MAB21L3: variants seen among roughly 807,000 people sequenced by gnomAD.
The protein encoded by MAB21L3 is protein mab-21-like 3.
MAB21L3 carries 36 observed loss-of-function variants against 37.7 expected under a neutral mutation model. The observed-to-expected ratio is 0.96, with a 90% CI of 0.73 to 1.26. MAB21L3 has a LOEUF of 1.26. MAB21L3 is among the 50% of genes most tolerant of loss of function. The pLI is 0.00. For synonymous variants in MAB21L3, 186 were observed against 176.8 expected, an observed-to-expected ratio of 1.05 and a Z score of -0.41; for missense variants, 430 against 447.3, an observed-to-expected ratio of 0.96 and a Z score of 0.35.
chr1:116,123,406 C>T (rs1161876820), intron 4 of MAB21L3, among the ~76,000 whole-genome samples: 1 of 144,696 alleles, frequency 6.9e-6, no homozygotes, highest in South Asian at 2.2e-4. Context: ...CAGTACAGGC[C>T]AAAAAAAAAA....
Position 116,137,744 on chromosome 1 carries a change from G to C in MAB21L3, c.*4379G>C, listed in dbSNP as rs1368237819. On this transcript the variant is annotated 3_prime_UTR_variant, in exon 8 of 8. Transcript: ENST00000369500. ...AACCCAAATATCCAACAATGATAGA[G>C]TGGATTAAGAAAATGTGGCACATAT... 1.3e-4 allele frequency among the ~76,000 whole-genome samples: 20 copies of C among 152,202 alleles called. No individual in the cohort carries two copies. Among genetic ancestry groups the C allele is most frequent in the African/African-American group, 4.6e-4 (19 of 41,512 alleles).
chr1:116,126,969 T>G lies in MAB21L3; in HGVS notation c.482-497T>G, dbSNP rs1040647429. On this transcript the variant is annotated intron_variant, in intron 5 of 7. Coordinates refer to ENST00000369500, the MANE Select transcript of MAB21L3 (RefSeq NM_152367.3). ...TTGCCCAACTGTAAGTTAATGTAAG[T>G]GTTCTGAGCACTTTTAAGGTAGGGT... 2.6e-5 allele frequency among the ~76,000 whole-genome samples: 4 copies of G among 152,352 alleles called. No homozygotes were observed. In the East Asian group the frequency reaches 7.7e-4, roughly 29 times the overall value.
intron 3 of MAB21L3, among the ~76,000 whole-genome samples, chr1:116,118,327 A>G (rs1311897938): frequency 1.3e-5 from 2 of 151,972 alleles, no homozygotes; most frequent in Admixed American, 1.3e-4. Flanking sequence ...GTTTGCAGTG[A>G]GCCAAGGTCA....
intron 3 of MAB21L3, among the ~76,000 whole-genome samples, 183 bp downstream of exon 3, chr1:116,112,846 G>A (rs1659468789): frequency 6.6e-6 from 1 of 152,144 alleles, no homozygotes; most frequent in African/African-American, 2.4e-5. Flanking sequence ...TTCTCTTTGA[G>A]GGTCTGGTAC....
chr1:116,137,834 G>C lies in MAB21L3; in HGVS notation c.*4469G>C, dbSNP rs926688052. Among the ~76,000 whole-genome samples, 1 of 151,776 alleles carries C rather than the reference G, an allele frequency of 6.6e-6. No individual in the cohort carries two copies. Among genetic ancestry groups the C allele is most frequent in the Non-Finnish European group, 1.5e-5 (1 of 67,966 alleles). ...TCATGTCCTTTGTAGGGACATGGGT[G>C]AAATTGGAAATCATCATTCTCAGTA... On this transcript the variant is annotated 3_prime_UTR_variant, in exon 8 of 8. Coordinates refer to ENST00000369500, the MANE Select transcript of MAB21L3 (RefSeq NM_152367.3).
chr1:116,127,977 C>T (rs1659957443), intron 6 of MAB21L3, among the ~76,000 whole-genome samples, 168 bp from the exon 7 acceptor site: 2 of 152,196 alleles, frequency 1.3e-5, no homozygotes, highest in East Asian at 3.9e-4. Context: ...TAACTGTCCA[C>T]ATCCAAGGTG....
intron 7 of MAB21L3, among the ~76,000 whole-genome samples, chr1:116,130,016 T>C (rs1455983747): frequency 6.6e-6 from 1 of 152,228 alleles, no homozygotes; most frequent in Non-Finnish European, 1.5e-5. Flanking sequence ...TTTCTGTGGA[T>C]TTAGCTTCTC....
At position 116,112,564 on chromosome 1, in the gene MAB21L3, A is replaced by G. The variant is rs768941212; in HGVS notation, c.-52A>G. 3.3e-6 allele frequency: 5 copies of G among 1,515,986 alleles called. No individual in the cohort carries two copies. The highest frequency in any genetic ancestry group is 4.5e-6 in the Non-Finnish European group (5 of 1,103,868). 93.9% of individuals were successfully genotyped at this position (1,515,986 alleles called of 1,614,324 possible). ...TCACAAGTGTTGCACTCCATTGAGA[A>G]AAAAAAAAAAACCAGGAAGTTGCTG... On this transcript the variant is annotated 5_prime_UTR_variant, in exon 3 of 8. Transcript: ENST00000369500.
rs1167834485 is a variant in MAB21L3, at chr1:116,137,179, T to C, written c.*3814T>C. Among the ~76,000 whole-genome samples the C allele has an allele frequency of 1.1e-5, 1 of 91,262 alleles. No individual in the cohort carries two copies. Among genetic ancestry groups the C allele is most frequent in the Non-Finnish European group, 1.9e-5 (1 of 53,716 alleles). The allele number at this position is 91,262 out of a possible 152,430, so 59.9% of individuals were successfully genotyped here. On this transcript the variant is annotated 3_prime_UTR_variant, in exon 8 of 8. Coordinates refer to ENST00000369500, the MANE Select transcript of MAB21L3 (RefSeq NM_152367.3). ...ACAGCAAAAGAAACTACCATCAGAG[T>C]GAACAGGCAACCTACAAAATGGGAG...
intron 4 of MAB21L3, among the ~76,000 whole-genome samples, chr1:116,121,392 C>T (rs763540196): frequency 3.0e-4 from 46 of 152,234 alleles, no homozygotes; most frequent in Admixed American, 1.2e-3. Flanking sequence ...GATGTTATTT[C>T]CTTTGAGCCC....
chr1:116,133,515 G>A lies in MAB21L3; in HGVS notation c.*150G>A. 1 of 705,674 alleles carries A rather than the reference G, an allele frequency of 1.4e-6. No homozygotes were observed. Among genetic ancestry groups the A allele is most frequent in the Non-Finnish European group, 2.3e-6 (1 of 426,198 alleles). 43.7% of individuals were successfully genotyped at this position (705,674 alleles called of 1,614,324 possible). ...ACATCAAACCAGAAACACTTCAGCA[G>A]GGGGAAAACTGTGCCCCAGGATGTC... On this transcript the variant is annotated 3_prime_UTR_variant, in exon 8 of 8. Coordinates refer to ENST00000369500, the MANE Select transcript of MAB21L3 (RefSeq NM_152367.3).
chr1:116,120,638 G>A (rs1659721197), intron 3 of MAB21L3, among the ~76,000 whole-genome samples: 1 of 151,906 alleles, frequency 6.6e-6, no homozygotes, highest in African/African-American at 2.4e-5. Flanking sequence ...GTTCACTGTT[G>A]TCTTAATCAC....
rs1389215369 is a variant in MAB21L3, at chr1:116,137,795, A to G, written c.*4430A>G. Among the ~76,000 whole-genome samples, 2 of 151,982 alleles carry G rather than the reference A, an allele frequency of 1.3e-5. No homozygotes were observed. On this transcript the variant is annotated 3_prime_UTR_variant, in exon 8 of 8. Transcript: ENST00000369500. ...ACACCATGGAATACTATGCAGCCATAAAAAATGATGAGTTCATGTCCTTTG... is the reference window on the plus strand; with the variant it reads ...ACACCATGGAATACTATGCAGCCATGAAAAATGATGAGTTCATGTCCTTTG...
Position 116,120,946 on chromosome 1 carries a change from C to T in MAB21L3, c.63C>T (p.Arg21=). 1 of 1,614,102 alleles carries T rather than the reference C, an allele frequency of 6.2e-7. No homozygotes were observed. Among genetic ancestry groups the T allele is most frequent in the Non-Finnish European group, 8.5e-7 (1 of 1,179,986 alleles). The change falls in exon 4 of 8, where the codon CGC becomes CGT. Residue 21 remains arginine (R), a synonymous_variant. Coordinates refer to ENST00000369500, the MANE Select transcript of MAB21L3 (RefSeq NM_152367.3). ...CTCACACCCAGGTGGACTTGAGGCG[C>T]CAGCAGATTTCCCAGGCTGTGGAGG... is the stretch of plus-strand genomic sequence containing the variant. ...DCLLNKVDLR[R]QQISQAVEEV... is the part of the protein sequence containing the mutation.
intron 1 of MAB21L3, among the ~76,000 whole-genome samples, 40 bp from the exon 2 acceptor site, chr1:116,111,589 G>A (rs1029530487): frequency 2.7e-5 from 4 of 150,810 alleles, no homozygotes; most frequent in Non-Finnish European, 5.9e-5. Flanking sequence ...CAGCTTCAAG[G>A]AGATCAGACC....
chr1:116,130,373 G>A (rs1482905817), intron 7 of MAB21L3, among the ~76,000 whole-genome samples: 5 of 152,030 alleles, frequency 3.3e-5, no homozygotes, highest in Middle Eastern at 6.8e-3. Context: ...TCAAGGATGG[G>A]CATTTTTTTT....
At position 116,124,116 on chromosome 1, in the gene MAB21L3, C is replaced by A. The variant is rs1458035578; in HGVS notation, c.240C>A (p.Ala80=). 1 of 1,613,428 alleles carries A rather than the reference C, an allele frequency of 6.2e-7. No homozygotes were observed. The highest frequency in any genetic ancestry group is 8.5e-7 in the Non-Finnish European group (1 of 1,179,602). Reference sequence around the variant, plus strand: ...TCACAGTCCCAATAAAAGGCCTGGCCGGGTACAGGGAGGCCAGGGAGCAGC... The same window carrying A: ...TCACAGTCCCAATAAAAGGCCTGGCAGGGTACAGGGAGGCCAGGGAGCAGC... ...FLVTVPIKGL[A]GYREAREQHW... Residue 80 remains alanine (A), a synonymous_variant, in exon 5 of 8, where the codon GCC becomes GCA. Coordinates refer to ENST00000369500, the MANE Select transcript of MAB21L3 (RefSeq NM_152367.3).
At chr1:116,124,476 C>A in intron 5 of MAB21L3, 119 bp downstream of exon 5, 1 of 897,770 alleles carries the variant, frequency 1.1e-6, no homozygotes, top group Non-Finnish European at 1.7e-6. Context: ...TAATCATGTG[C>A]TCTTCACATT....
chr1:116,128,123 A>T lies in MAB21L3; in HGVS notation c.661-22A>T, dbSNP rs750054513. On this transcript the variant is annotated intron_variant, in intron 6 of 7. Coordinates refer to ENST00000369500, the MANE Select transcript of MAB21L3 (RefSeq NM_152367.3). Reference sequence around the variant, plus strand: ...GTGAGCATTGTTCTTCTTATTTCCCAATATTTTTCTCTTTCTTCCAGTCGT... The same window carrying T: ...GTGAGCATTGTTCTTCTTATTTCCCTATATTTTTCTCTTTCTTCCAGTCGT... 5 of 1,600,186 alleles carry T rather than the reference A, an allele frequency of 3.1e-6. No homozygotes were observed. In the Admixed American group the frequency reaches 8.5e-5, roughly 27 times the overall value.
Sources: gnomAD v4.1 joint callset for allele counts (sites outside exome capture counted in the v4.1 genomes callset) on GRCh38, gnomAD v4.1.1 for gene constraint, MANE v1.5 for transcripts, NCBI Gene and HGNC (gene_info 2026-07-23, HGNC 2026-07-21) for gene names.